Variants in STK3 observed in about 807,000 individuals in gnomAD.
STK3 encodes serine/threonine kinase 3.
A neutral mutation model predicts 58.0 loss-of-function variants in STK3; 41 were observed. The ratio of observed to expected loss-of-function variants is 0.71; its 90% CI spans 0.55 to 0.92. The LOEUF (loss-of-function observed/expected upper bound fraction) is 0.92. Ranked by LOEUF, STK3 falls within the 40% of genes least tolerant of loss-of-function variation. The probability of loss-of-function intolerance (pLI) is 0.00; values close to 1 mark genes in which losing one functional copy is unlikely to be tolerated. For missense variants in STK3, 479 were observed against 602.7 expected, an observed-to-expected ratio of 0.79 and a Z score of 2.15; for synonymous variants, 170 against 191.0, an observed-to-expected ratio of 0.89 and a Z score of 0.91.
chr8:98,455,914 C>T lies in STK3; in HGVS notation c.1404G>A (p.Gln468=). ...MMEREIEELR[Q]RYTAKRQPIL... is the part of the protein sequence containing the mutation. ...TGGGCTGTCTTTTCGCAGTGTATCT[C>T]TGACGAAGTTCTTCTATCTCCCGTT... The change falls in exon 11 of 11, where the codon CAG becomes CAA. Residue 468 remains glutamine, a synonymous_variant. Transcript: ENST00000419617. 1 of 1,613,664 alleles carries T rather than the reference C, an allele frequency of 6.2e-7. No individual in the cohort carries two copies.
At chr8:98,938,536 GC>G (rs1293260870) in intron 1 of STK3, among the ~76,000 whole-genome samples, 4 of 152,208 alleles carry the variant, frequency 2.6e-5, no homozygotes, top group African/African-American at 4.8e-5. Flanking sequence ...AAGGTGGAGA[GC>G]TAGGCAGATT....
intron 1 of STK3, among the ~76,000 whole-genome samples, chr8:98,892,423 A>G (rs1042200239): frequency 2.6e-5 from 4 of 152,180 alleles, no homozygotes; most frequent in African/African-American, 4.8e-5. Context: ...GATTAAAACC[A>G]TTAGCTGGGT....
chr8:98,624,371 G>C (rs1233382352), intron 6 of STK3, among the ~76,000 whole-genome samples: 1 of 152,168 alleles, frequency 6.6e-6, no homozygotes, highest in Non-Finnish European at 1.5e-5. Flanking sequence ...TAGTTACATA[G>C]AGTGTGCCAA....
intron 6 of STK3, among the ~76,000 whole-genome samples, chr8:98,640,654 C>A (rs1305799256): frequency 6.6e-6 from 1 of 151,948 alleles, no homozygotes; most frequent in African/African-American, 2.4e-5. Context: ...AACTCCAAAG[C>A]ACCTACTTGA....
intron 3 of STK3, among the ~76,000 whole-genome samples, chr8:98,861,166 G>C (rs1836921569): frequency 2.6e-5 from 4 of 152,028 alleles, no homozygotes; most frequent in Admixed American, 2.6e-4. Context: ...GGCTGGGACA[G>C]GGGCTGCAAG....
At chr8:98,886,446 C>T (rs1419769776) in intron 1 of STK3, among the ~76,000 whole-genome samples, 1 of 152,134 alleles carries the variant, frequency 6.6e-6, no homozygotes, top group African/African-American at 2.4e-5. Flanking sequence ...AAGAGCAAAA[C>T]AATTTAAGCA....
chr8:98,776,999 G>A (rs993300466), intron 1 of STK3, among the ~76,000 whole-genome samples: 2 of 151,520 alleles, frequency 1.3e-5, no homozygotes, highest in Admixed American at 6.6e-5. Flanking sequence ...GCCGTGAGCC[G>A]AGATCGCGCC....
chr8:98,394,927 C>A (rs371458691), intron 3 of STK3, among the ~76,000 whole-genome samples: 6 of 152,220 alleles, frequency 3.9e-5, no homozygotes, highest in African/African-American at 1.4e-4. Flanking sequence ...GGGATCCTGT[C>A]ATTTCTGAGC....
intron 3 of STK3, among the ~76,000 whole-genome samples, chr8:98,424,170 G>T (rs549336113): frequency 7.5e-4 from 115 of 152,346 alleles, no homozygotes; most frequent in African/African-American, 2.7e-3. Context: ...CTCTGCAAAG[G>T]CATCTGTCAG....
intron 2 of STK3, among the ~76,000 whole-genome samples, chr8:98,772,407 C>T (rs367773564): frequency 1.3e-5 from 2 of 151,952 alleles, no homozygotes; most frequent in African/African-American, 4.8e-5. Flanking sequence ...TTATTTAAAG[C>T]GGTGTGGCAG....
At chr8:98,844,217 A>G (rs2131816236) in intron 3 of STK3, among the ~76,000 whole-genome samples, 1 of 152,336 alleles carries the variant, frequency 6.6e-6, no homozygotes, top group African/African-American at 2.4e-5. Context: ...GCCCAGTCCT[A>G]CCTTTTTTAT....
At chr8:98,741,749 C>T (rs1226742991) in intron 4 of STK3, among the ~76,000 whole-genome samples, 1 of 151,906 alleles carries the variant, frequency 6.6e-6, no homozygotes, top group Non-Finnish European at 1.5e-5. Context: ...TAAAATCGAA[C>T]CAGAACTGAA....
chr8:98,793,777 T>A (rs1167435278), intron 1 of STK3, among the ~76,000 whole-genome samples: 1 of 151,098 alleles, frequency 6.6e-6, no homozygotes, highest in African/African-American at 2.4e-5. Context: ...TACTACGAGA[T>A]CAACCACATG....
chr8:98,473,382 T>C (rs1382806247), intron 10 of STK3, among the ~76,000 whole-genome samples: 4 of 152,204 alleles, frequency 2.6e-5, no homozygotes, highest in African/African-American at 7.2e-5. Context: ...AGCATCAACA[T>C]GATATACTTT....
At chr8:98,824,269 C>T (rs1204392212) in intron 1 of STK3, among the ~76,000 whole-genome samples, 1 of 152,192 alleles carries the variant, frequency 6.6e-6, no homozygotes, top group Non-Finnish European at 1.5e-5. Flanking sequence ...GAATTGCTGC[C>T]TACACCTGCC....
intron 6 of STK3, among the ~76,000 whole-genome samples, chr8:98,635,118 G>T (rs1021910341): frequency 1.3e-5 from 2 of 151,920 alleles, no homozygotes; most frequent in African/African-American, 4.8e-5. Context: ...GCCAGAAAAG[G>T]GTAAAATGAG....
intron 1 of STK3, among the ~76,000 whole-genome samples, chr8:98,925,270 C>A (rs901535538): frequency 5.9e-5 from 9 of 152,204 alleles, no homozygotes; most frequent in Non-Finnish European, 1.3e-4. Flanking sequence ...TTCTGCCTGG[C>A]TTATTGATAG....
the STK3 span, among the ~76,000 whole-genome samples, chr8:98,345,517 T>A: frequency 1.3e-5 from 2 of 151,910 alleles, no homozygotes; most frequent in South Asian, 4.1e-4. Flanking sequence ...ATTGGAGTGA[T>A]GTCATCTAGG....
chr8:98,678,854 T>C (rs771998590), intron 6 of STK3, among the ~76,000 whole-genome samples: 21 of 152,202 alleles, frequency 1.4e-4, no homozygotes, highest in Non-Finnish European at 2.9e-4. Flanking sequence ...TTCCTTTCTA[T>C]AGCAAACATG....
Sources: gnomAD v4.1 joint callset for allele counts (sites outside exome capture counted in the v4.1 genomes callset) on GRCh38, gnomAD v4.1.1 for gene constraint, MANE v1.5 for transcripts, NCBI Gene and HGNC (gene_info 2026-07-23, HGNC 2026-07-21) for gene names.